SLC34A1: variants seen among roughly 807,000 people sequenced by gnomAD.
SLC34A1 encodes sodium-dependent phosphate transport protein 2A.
In SLC34A1, 57 loss-of-function variants were observed where a neutral mutation model predicts 51.4. The observed-to-expected ratio is 1.11, with a 90% confidence interval of 0.90 to 1.38. SLC34A1 has a LOEUF of 1.38. SLC34A1 is among the 40% of genes most tolerant of loss of function. SLC34A1 has a pLI of 0.00. For synonymous variants in SLC34A1, 368 were observed against 358.0 expected (o/e 1.03, Z -0.32); for missense variants, 796 against 835.6 (o/e 0.95, Z 0.58).
chr5:177,389,566 C>A, intron 8 of SLC34A1: 1 of 1,530,424 alleles, frequency 6.5e-7, no homozygotes, highest in Non-Finnish European at 8.8e-7. Context: ...TTTAATACAT[C>A]AACCACTTTC....
In SLC34A1 at chr5:177,388,132, T is replaced by C; in HGVS notation, c.783T>C (p.Arg261=). The C allele has an allele frequency of 6.2e-7, 1 of 1,614,110 alleles. No homozygotes were observed. The highest frequency in any genetic ancestry group is 8.5e-7 in the Non-Finnish European group (1 of 1,179,988). ...CCTCCTTCAACATCCATGGTGGCCGTGATGCTCCTGACCTGCTCAAGATCA... is the reference window on the plus strand; with the variant it reads ...CCTCCTTCAACATCCATGGTGGCCGCGATGCTCCTGACCTGCTCAAGATCA... ...VVASFNIHGG[R]DAPDLLKIIT... is the part of the protein sequence containing the mutation. The change falls in exon 7 of 13, where the codon CGT becomes CGC. Residue 261 remains arginine, a synonymous_variant. Coordinates refer to ENST00000324417, the MANE Select transcript of SLC34A1 (RefSeq NM_003052.5). This position sits in a 1 kb window ranked among gnomAD's most constrained non-coding sequence, Gnocchi z 4.3.
At chr5:177,391,340 G>C (rs1055202683) in intron 8 of SLC34A1, among the ~76,000 whole-genome samples, 1 of 152,210 alleles carries the variant, frequency 6.6e-6, no homozygotes, top group Non-Finnish European at 1.5e-5. Context: ...CACAGTCCCA[G>C]GCAAGAAGGT....
At chr5:177,394,314 T>A (rs1035637323) in intron 10 of SLC34A1, 119 bp downstream of exon 10, 8 of 1,161,238 alleles carry the variant, frequency 6.9e-6, no homozygotes, top group Non-Finnish European at 1.0e-5. Flanking sequence ...AGTTTCCCGA[T>A]GTGAACAAAG....
rs373033871 is a variant in SLC34A1, at chr5:177,387,821, A to G, written c.592A>G (p.Thr198Ala). 8.1e-6 allele frequency: 13 copies of G among 1,601,050 alleles called. No homozygotes were observed. The highest frequency in any genetic ancestry group is 1.0e-5 in the Non-Finnish European group (12 of 1,175,306). ...IMGSNIGTSVTNTIVALMQAG... is the reference protein window; with the variant it reads ...IMGSNIGTSVANTIVALMQAG... Reference sequence around the variant, plus strand: ...GGGCTCCAACATCGGCACCTCTGTCACCAACACCATCGTGGCCCTGATGCA... The same window carrying G: ...GGGCTCCAACATCGGCACCTCTGTCGCCAACACCATCGTGGCCCTGATGCA... Residue 198 changes from threonine (T) to alanine (A), a missense_variant, in exon 6 of 13, where the codon ACC becomes GCC. Transcript: ENST00000324417.
chr5:177,385,591 G>A (rs1762533055), intron 1 of SLC34A1, 104 bp from the exon 2 acceptor site: 2 of 695,478 alleles, frequency 2.9e-6, no homozygotes, highest in Admixed American at 2.0e-5. Flanking sequence ...TGAGGATGGA[G>A]GGTGTGCTTT....
At chr5:177,392,573 G>A (rs563782484) in intron 8 of SLC34A1, among the ~76,000 whole-genome samples, 41 of 152,206 alleles carry the variant, frequency 2.7e-4, no homozygotes, top group Non-Finnish European at 5.3e-4. Context: ...AATTGTAAAA[G>A]ATAACTCAAA....
Position 177,386,702 on chromosome 5 carries a change from A to G in SLC34A1, c.532+136A>G, listed in dbSNP as rs1561627365. 9.6e-7 allele frequency: 1 copy of G among 1,039,214 alleles called. No individual in the cohort carries two copies. 64.4% of individuals were successfully genotyped at this position (1,039,214 alleles called of 1,614,324 possible). ...CTCCTGTATCAGCCAGGGACATGAG[A>G]GGAGCCCAACTGTAGCTGTATGTGA... On this transcript the variant is annotated intron_variant, in intron 5 of 12. Transcript: ENST00000324417. The surrounding 1 kb of genome is among the most constrained non-coding windows in gnomAD (Gnocchi z 4.8).
At position 177,386,069 on chromosome 5, in the gene SLC34A1, T is replaced by A. The variant is rs1344231241; in HGVS notation, c.192T>A (p.Cys64Ter). 6.2e-7 allele frequency: 1 copy of A among 1,611,772 alleles called. No individual in the cohort carries two copies. Among genetic ancestry groups the A allele is most frequent in the East Asian group, 2.2e-5 (1 of 44,836 alleles). The change falls in exon 3 of 13, where the codon TGT becomes TGA. Residue 64 changes from cysteine (C) to a stop codon, truncating the protein, a stop_gained. Transcript: ENST00000324417. LOFTEE classifies it high-confidence loss of function. This position sits in a 1 kb window ranked among gnomAD's most constrained non-coding sequence, Gnocchi z 4.8. ...PVALAEHTCP[C>*]GEVLERHEPL... ...CCCTTGCTGAGCACACCTGCCCCTG[T>A]GGGGAGGTCCTGGAGCGCCATGAAC... is the stretch of plus-strand genomic sequence containing the variant.
intron 8 of SLC34A1, chr5:177,389,908 C>T: frequency 7.0e-7 from 1 of 1,431,602 alleles, no homozygotes; most frequent in Non-Finnish European, 9.1e-7. Context: ...AAATGCTTTC[C>T]TTAAACGCTT....
intron 8 of SLC34A1, among the ~76,000 whole-genome samples, chr5:177,393,173 A>G (rs1699159023): frequency 6.6e-6 from 1 of 152,188 alleles, no homozygotes; most frequent in Admixed American, 6.5e-5. Flanking sequence ...TGTCTCACTG[A>G]CAGTAGGTGG....
At chr5:177,393,670 T>C (rs1211219331) in intron 8 of SLC34A1, 24 bp from the exon 9 acceptor site, 2 of 1,613,364 alleles carry the variant, frequency 1.2e-6, no homozygotes, top group South Asian at 2.2e-5. Context: ...CCTAATTCAC[T>C]AAGTCACCCT....
At chr5:177,385,665 A>C in intron 1 of SLC34A1, 30 bp from the exon 2 acceptor site, 1 of 1,038,424 alleles carries the variant, frequency 9.6e-7, no homozygotes, top group Non-Finnish European at 1.5e-6. Context: ...TGTGGGCATG[A>C]GTGTCCCGGA....
In SLC34A1 at chr5:177,386,650, A is replaced by G. The variant is rs1260842011; in HGVS notation, c.532+84A>G. On this transcript the variant is annotated intron_variant, in intron 5 of 12. Coordinates refer to ENST00000324417, the MANE Select transcript of SLC34A1 (RefSeq NM_003052.5). This position sits in a 1 kb window ranked among gnomAD's most constrained non-coding sequence, Gnocchi z 4.8. ...GGTGGCAAATGGGGAGCGTGACCCC[A>G]GTAAGGCTGGCCTCCATTCAGCTTG... is the stretch of plus-strand genomic sequence containing the variant. 8 of 1,532,762 alleles carry G rather than the reference A, an allele frequency of 5.2e-6. No individual in the cohort carries two copies. In the Admixed American group the frequency reaches 1.3e-4, roughly 26 times the overall value. The allele number at this position is 1,532,762 out of a possible 1,614,324, so 94.9% of individuals were successfully genotyped here. A position where few individuals can be genotyped will look rare whatever the true frequency, so the allele number is the denominator to read the frequency against.
chr5:177,394,454 GC>G (rs1762896825), intron 10 of SLC34A1, among the ~76,000 whole-genome samples: 1 of 152,194 alleles, frequency 6.6e-6, no homozygotes, highest in Non-Finnish European at 1.5e-5. Context: ...GAGTACTTAA[GC>G]CCCCATTGTG....
At position 177,387,703 on chromosome 5, in the gene SLC34A1, G is replaced by A; in HGVS notation, c.533-59G>A. 3.6e-6 allele frequency: 5 copies of A among 1,391,160 alleles called. 1 individual carries two copies. The South Asian group carries it at 5.8e-5, about 16-fold the overall frequency. The allele number at this position is 1,391,160 out of a possible 1,614,324, so 86.2% of individuals were successfully genotyped here. A position where few individuals can be genotyped will look rare whatever the true frequency, so the allele number is the denominator to read the frequency against. ...GTGGGTGGGGGGCCTGACAGGAGTT[G>A]TGGTGGTGCAGGAGCTGGGTGACCG... On this transcript the variant is annotated intron_variant, in intron 5 of 12. Coordinates refer to ENST00000324417, the MANE Select transcript of SLC34A1 (RefSeq NM_003052.5).
intron 8 of SLC34A1, 98 bp from the exon 9 acceptor site, chr5:177,393,596 C>A: frequency 8.9e-7 from 1 of 1,127,988 alleles, no homozygotes; most frequent in Non-Finnish European, 1.3e-6. Context: ...GAGCAGGAGG[C>A]CCATCTCCAT....
intron 8 of SLC34A1, among the ~76,000 whole-genome samples, chr5:177,391,465 C>A (rs1392287080): frequency 6.6e-6 from 1 of 152,230 alleles, no homozygotes; most frequent in African/African-American, 2.4e-5. Flanking sequence ...CCACAGTCCT[C>A]CCCACAGAGA....
In SLC34A1 at chr5:177,387,744, C is replaced by T. The variant is rs368743188; in HGVS notation, c.533-18C>T. On this transcript the variant is annotated intron_variant, in intron 5 of 12. Transcript: ENST00000324417. ...TGGGTGACCGTCAAATTCATTAGGA[C>T]GTCTTCTCTTCTACCAGTGCTGGAG... is the stretch of plus-strand genomic sequence containing the variant. 19 of 1,600,130 alleles carry T rather than the reference C, an allele frequency of 1.2e-5. No homozygotes were observed. In the African/African-American group the frequency reaches 1.7e-4, roughly 15 times the overall value.
Position 177,397,020 on chromosome 5 carries a change from G to T in SLC34A1, c.1362G>T (p.Thr454=). Residue 454 remains threonine, a synonymous_variant, in exon 12 of 13, where the codon ACG becomes ACT. Transcript: ENST00000324417. ...TLGSNIGTTT[T]AILAALASPR... ...GTTCCAACATCGGCACCACCACCAC[G>T]GCCATCCTGGCTGCCCTGGCCAGCC... 2.5e-6 allele frequency: 4 copies of T among 1,614,080 alleles called. No individual in the cohort carries two copies. Among genetic ancestry groups the T allele is most frequent in the Non-Finnish European group, 2.5e-6 (3 of 1,180,024 alleles).
Sources: gnomAD v4.1 joint callset for allele counts (sites outside exome capture counted in the v4.1 genomes callset) on GRCh38, gnomAD v4.1.1 for gene constraint, Gnocchi (gnomAD v3.1) non-coding constraint, MANE v1.5 for transcripts, NCBI Gene and HGNC (gene_info 2026-07-23, HGNC 2026-07-21) for gene names.